ANKRD12: variants seen among roughly 807,000 people sequenced by gnomAD.
ANKRD12 encodes the protein ankyrin repeat domain 12.
A neutral mutation model predicts 183.4 loss-of-function variants in ANKRD12; 85 were observed. The ratio of observed to expected loss-of-function variants is 0.46; its 90% CI spans 0.39 to 0.56. The LOEUF (loss-of-function observed/expected upper bound fraction) is 0.56, where lower values mean the gene tolerates loss of function less well. ANKRD12 is among the 20% of genes least tolerant of loss of function. The pLI, the probability that ANKRD12 is intolerant of heterozygous loss-of-function variation, is 0.00. For missense variants in ANKRD12, 2,405 were observed against 2,357.1 expected, an observed-to-expected ratio of 1.02 and a Z score of -0.42; for synonymous variants, 914 against 800.2, an observed-to-expected ratio of 1.14 and a Z score of -2.40.
chr18:9,157,121 T>G (rs867652929), intron 1 of ANKRD12, among the ~76,000 whole-genome samples: 1 of 152,218 alleles, frequency 6.6e-6, no homozygotes, highest in African/African-American at 2.4e-5. Flanking sequence ...AGAATTAGGA[T>G]GGCGTTACAT....
rs75326575 is a variant in ANKRD12, at chr18:9,270,881, G to A, written c.5764-4643G>A. ...ATTTAGAATTGTATAATACTTGAGGGCAACTTTAAATGTCTGACTGATACG... is the reference window on the plus strand; with the variant it reads ...ATTTAGAATTGTATAATACTTGAGGACAACTTTAAATGTCTGACTGATACG... On this transcript the variant is annotated intron_variant, in intron 10 of 12. Transcript: ENST00000262126. Among the ~76,000 whole-genome samples the A allele has an allele frequency of 7.3e-3, 1,116 of 152,222 alleles. 2 individuals are homozygous for A. The highest frequency in any genetic ancestry group is 1.0e-2 in the Non-Finnish European group (677 of 68,014).
chr18:9,140,494 A>G (rs1001422270), intron 1 of ANKRD12, among the ~76,000 whole-genome samples: 1 of 152,210 alleles, frequency 6.6e-6, no homozygotes, highest in Admixed American at 6.5e-5. Context: ...AAATATTCTC[A>G]TGTATACTCA....
intron 4 of ANKRD12, among the ~76,000 whole-genome samples, chr18:9,208,240 T>C (rs1567916741): frequency 6.6e-6 from 1 of 152,188 alleles, no homozygotes; most frequent in Non-Finnish European, 1.5e-5. Context: ...TTGCTGGAAT[T>C]AAGGAAGTAA....
intron 6 of ANKRD12, among the ~76,000 whole-genome samples, chr18:9,215,752 C>T (rs1043850530): frequency 6.6e-6 from 1 of 152,024 alleles, no homozygotes; most frequent in Non-Finnish European, 1.5e-5. Flanking sequence ...GTCATGACGT[C>T]ACAGGATTTA....
chr18:9,268,013 T>C (rs1434184759), intron 10 of ANKRD12, among the ~76,000 whole-genome samples: 1 of 152,174 alleles, frequency 6.6e-6, no homozygotes, highest in Non-Finnish European at 1.5e-5. Context: ...ACTGGAATTA[T>C]CTAGAAGAAA....
At chr18:9,178,840 G>A (rs1182941164) in intron 1 of ANKRD12, among the ~76,000 whole-genome samples, 1 of 151,960 alleles carries the variant, frequency 6.6e-6, no homozygotes, top group Non-Finnish European at 1.5e-5. Flanking sequence ...AAGTGTTTTT[G>A]TATTTGTCAT....
At chr18:9,183,250 A>T (rs1042322022) in intron 2 of ANKRD12, among the ~76,000 whole-genome samples, 1 of 152,180 alleles carries the variant, frequency 6.6e-6, no homozygotes, top group African/African-American at 2.4e-5. Context: ...AAATTTTAGG[A>T]TCAGCTTGTC....
chr18:9,257,658 A>G lies in ANKRD12; in HGVS notation c.4391A>G (p.Asp1464Gly), dbSNP rs755722103. Residue 1464 changes from aspartate to glycine, a missense_variant, in exon 9 of 13, where the codon GAT (aspartate) becomes GGT (glycine). Asp to Gly is a moderately conservative substitution (Grantham distance 94). This residue lies in a region of ANKRD12 where 1,983 missense variants were observed against 1,725.9 expected (regional missense o/e 1.15). Transcript: ENST00000262126. ...SENKVLKENADFLSLRQTELP... is the reference protein window; with the variant it reads ...SENKVLKENAGFLSLRQTELP... ...AATAAGGTATTGAAAGAAAATGCTG[A>G]TTTTTTATCCCTGCGCCAGACTGAA... is the stretch of plus-strand genomic sequence containing the variant. 1.2e-6 allele frequency: 2 copies of G among 1,613,864 alleles called. No individual in the cohort carries two copies. Among genetic ancestry groups the G allele is most frequent in the South Asian group, 2.2e-5 (2 of 91,070 alleles).
chr18:9,210,620 C>T (rs1372048142), intron 5 of ANKRD12, among the ~76,000 whole-genome samples: 1 of 147,936 alleles, frequency 6.8e-6, no homozygotes, highest in Non-Finnish European at 1.5e-5. Context: ...ACTCGGGAGG[C>T]TGAGGTGGAA....
intron 1 of ANKRD12, among the ~76,000 whole-genome samples, chr18:9,144,845 T>TC (rs2078440065): frequency 6.6e-6 from 1 of 152,112 alleles, no homozygotes; most frequent in African/African-American, 2.4e-5. Context: ...GGAAAATATG[T>TC]AATTTGCATA....
chr18:9,211,528 A>AT, intron 5 of ANKRD12, 56 bp from the exon 6 acceptor site: 1 of 1,460,766 alleles, frequency 6.8e-7, no homozygotes. Flanking sequence ...AAACATTTAA[A>AT]TAAGTATACA....
chr18:9,185,952 A>G (rs1241908693), intron 2 of ANKRD12, among the ~76,000 whole-genome samples: 1 of 152,212 alleles, frequency 6.6e-6, no homozygotes, highest in Non-Finnish European at 1.5e-5. Flanking sequence ...TTATTTCTGC[A>G]TGTTTAAGTA....
chr18:9,195,539 A>T lies in ANKRD12; in HGVS notation c.88-12A>T, dbSNP rs2034732753. 1 of 1,578,350 alleles carries T rather than the reference A, an allele frequency of 6.3e-7. No homozygotes were observed. The highest frequency in any genetic ancestry group is 1.4e-5 in the African/African-American group (1 of 73,418). ...TATTGATATAACTTTACTCTATTTG[A>T]CTTTTTAATAGAGTAAAGACAAGAT... On this transcript the variant is annotated splice_polypyrimidine_tract_variant and intron_variant, in intron 2 of 12. Coordinates refer to ENST00000262126, the MANE Select transcript of ANKRD12 (RefSeq NM_015208.5).
At chr18:9,142,329 A>G (rs1441047731) in intron 1 of ANKRD12, among the ~76,000 whole-genome samples, 1 of 152,232 alleles carries the variant, frequency 6.6e-6, no homozygotes, top group Non-Finnish European at 1.5e-5. Flanking sequence ...TCAGTAGCAG[A>G]ACAAGGATTG....
At chr18:9,197,173 G>A (rs2034882703) in intron 3 of ANKRD12, among the ~76,000 whole-genome samples, 2 of 152,038 alleles carry the variant, frequency 1.3e-5, no homozygotes, top group Admixed American at 1.3e-4. Context: ...CTTTTATTTA[G>A]AATAAAATTA....
intron 8 of ANKRD12, among the ~76,000 whole-genome samples, chr18:9,245,933 G>GT (rs2037936483): frequency 1.3e-5 from 2 of 152,106 alleles, no homozygotes; most frequent in South Asian, 4.1e-4. Context: ...TAGCATGATG[G>GT]TTGTACCAAT....
intron 2 of ANKRD12, among the ~76,000 whole-genome samples, chr18:9,189,013 A>T (rs74401981): frequency 6.6e-6 from 1 of 152,350 alleles, no homozygotes; most frequent in Non-Finnish European, 1.5e-5. Context: ...TGAGGAAGGT[A>T]TGTCAAAGGC....
intron 8 of ANKRD12, among the ~76,000 whole-genome samples, chr18:9,239,106 C>G (rs1330011617): frequency 1.3e-5 from 2 of 152,148 alleles, no homozygotes; most frequent in Non-Finnish European, 1.5e-5. Flanking sequence ...ACCTGGACAA[C>G]AGAGTGAGAC....
chr18:9,200,114 G>A (rs4798785), intron 3 of ANKRD12, among the ~76,000 whole-genome samples: 119,091 of 152,086 alleles, frequency 0.78, 46,857 homozygotes, highest in Middle Eastern at 0.88. Flanking sequence ...AGATATCGTA[G>A]TGTGTCTTAA....
Sources: gnomAD v4.1 joint callset for allele counts (sites outside exome capture counted in the v4.1 genomes callset) on GRCh38, gnomAD v4.1.1 for gene constraint, gnomAD v4.1.1 regional missense constraint, MANE v1.5 for transcripts, NCBI Gene and HGNC (gene_info 2026-07-23, HGNC 2026-07-21) for gene names.